The following BLOC1S5 variants were observed in gnomAD, a reference collection of about 807,000 sequenced individuals.
BLOC1S5 encodes the protein biogenesis of lysosome-related organelles complex 1 subunit 5.
A neutral mutation model predicts 24.3 loss-of-function variants in BLOC1S5; 27 were observed. The ratio of observed to expected loss-of-function variants is 1.11; its 90% confidence interval spans 0.82 to 1.53. The LOEUF is 1.53. Among genes scored for constraint, BLOC1S5 ranks in the 40% most tolerant of loss-of-function variants. BLOC1S5 has a pLI of 0.00. For missense variants in BLOC1S5, 239 were observed against 229.4 expected, an observed-to-expected ratio of 1.04 and a Z score of -0.27; for synonymous variants, 84 against 74.5, an observed-to-expected ratio of 1.13 and a Z score of -0.66.
At chr6:8,037,592 A>C (rs1430980332) in intron 3 of BLOC1S5, among the ~76,000 whole-genome samples, 2 of 152,212 alleles carry the variant, frequency 1.3e-5, no homozygotes, top group Admixed American at 1.3e-4. Flanking sequence ...AATACCAACG[A>C]CATTTTTCAT....
At chr6:8,019,627 C>T (rs1447285361) in intron 4 of BLOC1S5, among the ~76,000 whole-genome samples, 1 of 150,246 alleles carries the variant, frequency 6.7e-6, no homozygotes, top group East Asian at 1.9e-4. Flanking sequence ...GGCGCCTATA[C>T]ATTCATGTAT....
intron 2 of BLOC1S5, among the ~76,000 whole-genome samples, chr6:8,050,941 T>C (rs1424776550): frequency 6.6e-6 from 1 of 151,734 alleles, no homozygotes; most frequent in Admixed American, 6.6e-5. Context: ...AAAAATGTTA[T>C]TCCATTGGGA....
intron 2 of BLOC1S5, among the ~76,000 whole-genome samples, chr6:8,042,422 T>C (rs1025865900): frequency 2.6e-5 from 4 of 152,220 alleles, no homozygotes; most frequent in Non-Finnish European, 5.9e-5. Context: ...AGGTTGGCCC[T>C]GGCTGGGGGC....
At chr6:8,041,312 C>CATTTT in intron 2 of BLOC1S5, 44 bp from the exon 3 acceptor site, 4 of 1,079,756 alleles carry the variant, frequency 3.7e-6, no homozygotes, top group Non-Finnish European at 3.6e-6. Context: ...GTGTCTTTTC[C>CATTTT]TTTTTTTTTT....
Position 8,033,266 on chromosome 6 carries a change from G to C in BLOC1S5, c.326-6841C>G, listed in dbSNP as rs568832448. ...CAGTAACCAAAACAGCATGGTACTG[G>C]TACCAAAACAGATATACAGACCAAT... is the stretch of plus-strand genomic sequence containing the variant. On this transcript the variant is annotated intron_variant, in intron 3 of 4. Transcript: ENST00000397457. Among the ~76,000 whole-genome samples, 36 of 152,258 alleles carry C rather than the reference G, an allele frequency of 2.4e-4. No individual in the cohort carries two copies. The South Asian group carries it at 6.6e-3, about 28-fold the overall frequency.
intron 3 of BLOC1S5, among the ~76,000 whole-genome samples, chr6:8,029,100 A>T (rs900576670): frequency 6.6e-6 from 1 of 151,846 alleles, no homozygotes; most frequent in African/African-American, 2.4e-5. Flanking sequence ...TCATTCTATC[A>T]TGGTGTCTAT....
In BLOC1S5 at chr6:8,015,606, T is replaced by A. The variant is rs1762703239; in HGVS notation, c.*43A>T. 6.4e-7 allele frequency: 1 copy of A among 1,573,214 alleles called. No homozygotes were observed. Among genetic ancestry groups the A allele is most frequent in the African/African-American group, 1.4e-5 (1 of 73,798 alleles). On this transcript the variant is annotated 3_prime_UTR_variant, in exon 5 of 5. Transcript: ENST00000397457. ...GTGGGAATAGTTTTCAGGAGAGAGGTGAACATCTTCTCATTAGTTTGTGAT... is the reference window on the plus strand; with the variant it reads ...GTGGGAATAGTTTTCAGGAGAGAGGAGAACATCTTCTCATTAGTTTGTGAT...
intron 2 of BLOC1S5, among the ~76,000 whole-genome samples, chr6:8,048,753 C>T (rs1469067964): frequency 6.6e-6 from 1 of 152,186 alleles, no homozygotes; most frequent in Non-Finnish European, 1.5e-5. Flanking sequence ...TGGCTCACGC[C>T]TGTAATCCCA....
chr6:8,032,335 A>G (rs1283120974), intron 3 of BLOC1S5, among the ~76,000 whole-genome samples: 1 of 152,198 alleles, frequency 6.6e-6, no homozygotes, highest in Non-Finnish European at 1.5e-5. Flanking sequence ...AAGATATACA[A>G]ATGGCCAACA....
At chr6:8,029,489 G>T (rs1215890544) in intron 3 of BLOC1S5, among the ~76,000 whole-genome samples, 1 of 152,186 alleles carries the variant, frequency 6.6e-6, no homozygotes, top group East Asian at 1.9e-4. Flanking sequence ...CTTAACCCAT[G>T]GAAAGCATTT....
intron 3 of BLOC1S5, among the ~76,000 whole-genome samples, chr6:8,039,248 G>A (rs1361748019): frequency 6.6e-6 from 1 of 152,170 alleles, no homozygotes; most frequent in Admixed American, 6.5e-5. Flanking sequence ...TGGATCTCAT[G>A]AATATAGAGA....
intron 3 of BLOC1S5, among the ~76,000 whole-genome samples, chr6:8,040,063 T>C (rs989857855): frequency 1.3e-5 from 2 of 152,066 alleles, no homozygotes; most frequent in African/African-American, 4.8e-5. Flanking sequence ...CAAGAAAAAG[T>C]GATAATCCAG....
At chr6:8,029,963 T>A (rs1763242002) in intron 3 of BLOC1S5, among the ~76,000 whole-genome samples, 1 of 151,930 alleles carries the variant, frequency 6.6e-6, no homozygotes, top group African/African-American at 2.4e-5. Context: ...CAGATGTACA[T>A]CCACAAGAAA....
chr6:8,060,754 A>G (rs530455686), intron 2 of BLOC1S5, among the ~76,000 whole-genome samples: 1 of 152,366 alleles, frequency 6.6e-6, no homozygotes, highest in South Asian at 2.1e-4. Flanking sequence ...ACTCAATACA[A>G]TTTTAAAAAC....
At chr6:8,036,211 C>T (rs1440203843) in intron 3 of BLOC1S5, among the ~76,000 whole-genome samples, 1 of 151,938 alleles carries the variant, frequency 6.6e-6, no homozygotes, top group Non-Finnish European at 1.5e-5. Context: ...CTATGGGATA[C>T]AGCAAAAACA....
chr6:8,064,223 G>C (rs746526261), intron 1 of BLOC1S5, 42 bp downstream of exon 1: 8 of 1,546,302 alleles, frequency 5.2e-6, no homozygotes, highest in Middle Eastern at 1.7e-4. Flanking sequence ...AGATGAGGCT[G>C]TGCTGGGATC....
At chr6:8,032,684 A>G (rs1763345105) in intron 3 of BLOC1S5, among the ~76,000 whole-genome samples, 1 of 152,188 alleles carries the variant, frequency 6.6e-6, no homozygotes, top group Admixed American at 6.5e-5. Context: ...AGGAAGTCAA[A>G]TTGTCCCTGT....
At chr6:8,059,148 C>T (rs2113607570) in intron 2 of BLOC1S5, among the ~76,000 whole-genome samples, 1 of 152,314 alleles carries the variant, frequency 6.6e-6, no homozygotes, top group Admixed American at 6.5e-5. Context: ...CATTAATACT[C>T]ACTGGAAGGA....
intron 2 of BLOC1S5, among the ~76,000 whole-genome samples, chr6:8,055,892 C>T (rs1204742394): frequency 1.3e-5 from 2 of 152,136 alleles, no homozygotes; most frequent in African/African-American, 4.8e-5. Context: ...AAACTGTGTG[C>T]TGGAAATATA....
Sources: allele counts gnomAD v4.1 joint callset (sites outside exome capture counted in the v4.1 genomes callset), GRCh38; gene constraint gnomAD v4.1.1; transcripts MANE v1.5; gene names NCBI Gene and HGNC (gene_info 2026-07-23, HGNC 2026-07-21).